Variants in ARSF observed in about 807,000 individuals in gnomAD.
The protein encoded by ARSF is arylsulfatase F.
Under a neutral mutation model 35.4 loss-of-function variants are expected in ARSF, and 33 were observed. The ratio of observed to expected loss-of-function variants is 0.93; its 90% CI spans 0.71 to 1.25. ARSF has a LOEUF of 1.25. Ranked by LOEUF, ARSF falls within the 50% of genes most tolerant of loss-of-function variation. ARSF has a pLI of 0.00. For missense variants in ARSF, 501 were observed against 480.2 expected (o/e 1.04, Z -0.40); for synonymous variants, 222 against 193.1 (o/e 1.15, Z -1.24).
At chrX:3,102,847 G>T (rs187135768) in intron 8 of ARSF, among the ~76,000 whole-genome samples, 2 of 110,402 alleles carry the variant, frequency 1.8e-5, no homozygotes, top group Non-Finnish European at 3.8e-5. Flanking sequence ...AGGAGGCGGA[G>T]GTTGCAGTGA....
chrX:3,097,499 C>T (rs1429546195), intron 7 of ARSF, among the ~76,000 whole-genome samples: 1 of 111,723 alleles, frequency 9.0e-6, no homozygotes, highest in African/African-American at 3.2e-5. Flanking sequence ...ACATCTTTTA[C>T]AGATTAAAAG....
At position 3,084,277 on chromosome X, in the gene ARSF, A is replaced by C. The variant is rs759498936; in HGVS notation, c.441A>C (p.Arg147=). The C allele has an allele frequency of 8.3e-7, 1 of 1,211,595 alleles. No homozygotes were observed. Among genetic ancestry groups the C allele is most frequent in the Admixed American group, 2.2e-5 (1 of 45,982 alleles). ...ACCAAGGCTTGAACTGCGACTCCCG[A>C]AGTGACCAGTGCCACCATCCATATA... ...KWHQGLNCDS[R]SDQCHHPYNY... Residue 147 remains arginine (R), a synonymous_variant, in exon 6 of 11, where the codon CGA becomes CGC. Coordinates refer to ENST00000381127, the MANE Select transcript of ARSF (RefSeq NM_001201539.2).
intron 1 of ARSF, among the ~76,000 whole-genome samples, chrX:3,061,369 C>A (rs1431683687): frequency 9.0e-6 from 1 of 111,397 alleles, no homozygotes; most frequent in African/African-American, 3.3e-5. Context: ...TAAAGACCAT[C>A]GATGCTAGGA....
At chrX:3,068,192 G>T in intron 2 of ARSF, 81 bp downstream of exon 2, 4 of 957,983 alleles carry the variant, frequency 4.2e-6, no homozygotes, top group Non-Finnish European at 5.7e-6. Context: ...AGCCTTATAG[G>T]TAGAGGCATT....
In ARSF at chrX:3,076,652, G is replaced by C. The variant is rs759123213; in HGVS notation, c.266G>C (p.Arg89Thr). ...AGCCGGTCCGCGTTCTTGACGGGAA[G>C]ATACCCCATCCGATCAGGTGCGCAA... ...SPSRSAFLTG[R>T]YPIRSGMVSS... Residue 89 changes from arginine (R) to threonine (T), a missense_variant, in exon 4 of 11, where the codon AGA becomes ACA. Transcript: ENST00000381127. 8.3e-6 allele frequency: 10 copies of C among 1,211,770 alleles called. No individual in the cohort carries two copies. The highest frequency in any genetic ancestry group is 1.1e-5 in the Non-Finnish European group (10 of 895,491).
Position 3,112,290 on chromosome X carries a change from C to G in ARSF, c.1507C>G (p.Pro503Ala). The G allele has an allele frequency of 8.3e-7, 1 of 1,211,009 alleles. No individual in the cohort carries two copies. The highest frequency in any genetic ancestry group is 1.8e-5 in the South Asian group (1 of 56,921). ...CGGAGAACAGGTTACCTACCACAACCCCCCTCTGCTCTTCGATCTCTCCAG... is the reference window on the plus strand; with the variant it reads ...CGGAGAACAGGTTACCTACCACAACGCCCCTCTGCTCTTCGATCTCTCCAG... Reference protein sequence around the residue: ...CFGEQVTYHNPPLLFDLSRDP... With the variant: ...CFGEQVTYHNAPLLFDLSRDP... Residue 503 changes from proline (P) to alanine (A), a missense_variant, in exon 11 of 11, where the codon CCC becomes GCC. Physicochemically the swap from Pro to Ala is conservative, Grantham distance 27. Coordinates refer to ENST00000381127, the MANE Select transcript of ARSF (RefSeq NM_001201539.2).
Position 3,054,127 on chromosome X carries a change from C to T in ARSF, c.-29+12464C>T, listed in dbSNP as rs768998397. 6.3e-5 allele frequency among the ~76,000 whole-genome samples: 7 copies of T among 111,308 alleles called. No individual in the cohort carries two copies. The South Asian group carries it at 2.3e-3, about 37-fold the overall frequency. ...CAAGAAAGAATGCCTGTTCCTGGTC[C>T]CAGCTGCACACTCACTTTACAGTGT... On this transcript the variant is annotated intron_variant, in intron 1 of 10. Transcript: ENST00000381127.
Position 3,051,441 on chromosome X carries a change from G to T in ARSF, c.-29+9778G>T, listed in dbSNP as rs773011136. On this transcript the variant is annotated intron_variant, in intron 1 of 10. Transcript: ENST00000381127. ...AGCAGAGGCATACACTCTTGCTATG[G>T]GATGTTAACCGAAGCTAATGGAAAT... 4.5e-5 allele frequency among the ~76,000 whole-genome samples: 5 copies of T among 111,862 alleles called. No homozygotes were observed. The South Asian group carries it at 1.9e-3, about 42-fold the overall frequency.
intron 5 of ARSF, among the ~76,000 whole-genome samples, chrX:3,083,958 C>T (rs1051321797): frequency 8.9e-6 from 1 of 111,800 alleles, no homozygotes; most frequent in Non-Finnish European, 1.9e-5. Flanking sequence ...TTCTAGTTCA[C>T]GTCATTGACA....
rs778892063 is a variant in ARSF, at chrX:3,112,534, G to A, written c.1751G>A (p.Arg584Gln). 1.1e-5 allele frequency: 13 copies of A among 1,172,072 alleles called. No homozygotes were observed. In the African/African-American group the frequency reaches 1.6e-4, roughly 14 times the overall value. The change falls in exon 11 of 11, where the codon CGG (arginine) becomes CAG (glutamine). Residue 584 changes from arginine to glutamine, a missense_variant. Coordinates refer to ENST00000381127, the MANE Select transcript of ARSF (RefSeq NM_001201539.2). The part of the protein sequence containing the change: ...CDKEEEVSQP[R>Q]GPNEKR Reference sequence around the variant, plus strand: ...AAGGAAGAGGAAGTCTCTCAGCCTCGGGGTCCTAACGAGAAGAGATAATTA... The same window carrying A: ...AAGGAAGAGGAAGTCTCTCAGCCTCAGGGTCCTAACGAGAAGAGATAATTA...
Position 3,089,267 on chromosome X carries a change from GT to G in ARSF, c.831-226del, listed in dbSNP as rs769528502. 2.7e-5 allele frequency among the ~76,000 whole-genome samples: 3 copies of G among 111,111 alleles called. No homozygotes were observed. The East Asian group carries it at 8.6e-4, about 32-fold the overall frequency. ...CTTCCTCTCTGATTGATTTTATGAAGTTTATAGAGATGGTTTCAGTAGCATT... is the reference window on the plus strand; with the variant it reads ...CTTCCTCTCTGATTGATTTTATGAAGTTATAGAGATGGTTTCAGTAGCATT... On this transcript the variant is annotated intron_variant, in intron 6 of 10. Coordinates refer to ENST00000381127, the MANE Select transcript of ARSF (RefSeq NM_001201539.2).
At chrX:3,085,826 A>G (rs2090244152) in intron 6 of ARSF, among the ~76,000 whole-genome samples, 1 of 110,603 alleles carries the variant, frequency 9.0e-6, no homozygotes, top group Non-Finnish European at 1.9e-5. Context: ...GTGGCTCAGC[A>G]CTCTGGGAGG....
chrX:3,105,613 G>A (rs1472398866), intron 9 of ARSF, among the ~76,000 whole-genome samples: 2 of 110,694 alleles, frequency 1.8e-5, no homozygotes, highest in East Asian at 2.8e-4. Flanking sequence ...TACAGGCACC[G>A]GCCACCACGC....
At position 3,084,594 on chromosome X, in the gene ARSF, T is replaced by A; in HGVS notation, c.758T>A (p.Ile253Asn). The A allele has an allele frequency of 8.3e-7, 1 of 1,209,688 alleles. No individual in the cohort carries two copies. Among genetic ancestry groups the A allele is most frequent in the Non-Finnish European group, 1.1e-6 (1 of 894,411 alleles). Residue 253 changes from isoleucine (I) to asparagine (N), a missense_variant, in exon 6 of 11, where the codon ATC becomes AAC. By Grantham distance (149) the Ile-to-Asn change is moderately radical. Coordinates refer to ENST00000381127, the MANE Select transcript of ARSF (RefSeq NM_001201539.2). ...WDCLLMRGHE[I>N]TEQPMKAERA... ...TGCCTCCTCATGCGGGGGCACGAGATCACGGAGCAGCCCATGAAGGCTGAA... is the reference window on the plus strand; with the variant it reads ...TGCCTCCTCATGCGGGGGCACGAGAACACGGAGCAGCCCATGAAGGCTGAA...
chrX:3,097,028 G>C (rs1304189772), intron 7 of ARSF, among the ~76,000 whole-genome samples: 2 of 110,291 alleles, frequency 1.8e-5, no homozygotes, highest in Non-Finnish European at 3.8e-5. Context: ...GGTAAGGAAA[G>C]GTCCTCCCCT....
At chrX:3,067,122 A>G (rs2090071111) in intron 1 of ARSF, among the ~76,000 whole-genome samples, 2 of 98,009 alleles carry the variant, frequency 2.0e-5, no homozygotes, top group South Asian at 5.3e-4. Context: ...TTTCTTTCTT[A>G]ACCAAGAACG....
chrX:3,106,700 A>G (rs760902105), intron 9 of ARSF, among the ~76,000 whole-genome samples: 97 of 112,951 alleles, frequency 8.6e-4, no homozygotes, highest in Middle Eastern at 9.1e-3. Context: ...AACCAAAAAT[A>G]GAGATGGACA....
chrX:3,093,824 A>G (rs773629537), intron 7 of ARSF, among the ~76,000 whole-genome samples: 2 of 112,091 alleles, frequency 1.8e-5, no homozygotes, highest in African/African-American at 6.5e-5. Context: ...AGTGCTTTCC[A>G]CAGTGGCTGA....
chrX:3,051,201 G>T (rs1261791705), intron 1 of ARSF, among the ~76,000 whole-genome samples: 2 of 111,378 alleles, frequency 1.8e-5, no homozygotes, highest in Non-Finnish European at 3.8e-5. Flanking sequence ...CCACTTTGAA[G>T]TGTGTCACCT....
Sources: allele counts gnomAD v4.1 joint callset (sites outside exome capture counted in the v4.1 genomes callset), GRCh38; gene constraint gnomAD v4.1.1; transcripts MANE v1.5; gene names NCBI Gene and HGNC (gene_info 2026-07-23, HGNC 2026-07-21).